LRP1: variants seen among roughly 807,000 people sequenced by gnomAD.
LRP1 encodes prolow-density lipoprotein receptor-related protein 1.
LRP1 carries 51 observed loss-of-function variants against 541.5 expected under a neutral mutation model. The observed-to-expected ratio is 0.09, with a 90% CI of 0.08 to 0.12. LRP1 has a LOEUF of 0.12. Among genes scored for constraint, LRP1 ranks in the 10% least tolerant of loss-of-function variants. The pLI, the probability that LRP1 is intolerant of heterozygous loss-of-function variation, is 1.00. For synonymous variants in LRP1, 2,219 were observed against 2,470.8 expected (o/e 0.90, Z 3.02); for missense variants, 3,878 against 6,376.2 (o/e 0.61, Z 13.34).
At chr12:57,191,250 G>T in intron 43 of LRP1, 70 bp from the exon 44 acceptor site, 2 of 1,449,078 alleles carry the variant, frequency 1.4e-6, no homozygotes, top group African/African-American at 1.4e-5. Flanking sequence ...GCCAGGCCAG[G>T]CTGTGGTCCG....
Position 57,204,106 on chromosome 12 carries a change from T to TAC in LRP1, c.10952-300_10952-299dup. 3.5e-6 allele frequency: 1 copy of TAC among 283,054 alleles called. No homozygotes were observed. The highest frequency in any genetic ancestry group is 6.6e-6 in the Non-Finnish European group (1 of 151,882). 17.5% of individuals were successfully genotyped at this position (283,054 alleles called of 1,614,324 possible). ...TGTTCCCGCGTCCCCGCTGTGGAAC[T>TAC]ACACAGCCCAGTGCTGTTCCCACGT... On this transcript the variant is annotated intron_variant, in intron 70 of 88. Transcript: ENST00000243077. This position sits in a 1 kb window ranked among gnomAD's most constrained non-coding sequence, Gnocchi z 5.3.
Position 57,173,797 on chromosome 12 carries a change from G to A in LRP1, c.3364G>A (p.Ala1122Thr). ...CKDSARCISKAWVCDGDNDCE... is the reference protein window; with the variant it reads ...CKDSARCISKTWVCDGDNDCE... ...TCCCTCAGCTCGGTGCATCAGCAAA[G>A]CGTGGGTGTGTGATGGCGACAATGA... Residue 1122 changes from alanine (A) to threonine (T), a missense_variant, in exon 22 of 89, where the codon GCG (alanine) becomes ACG (threonine). Ala to Thr is a moderately conservative substitution (Grantham distance 58). This residue lies in a region of LRP1 where 320 missense variants were observed against 547.9 expected (regional missense o/e 0.58). Coordinates refer to ENST00000243077, the MANE Select transcript of LRP1 (RefSeq NM_002332.3). The surrounding 1 kb of genome is among the most constrained non-coding windows in gnomAD (Gnocchi z 4.7). 2 of 1,614,238 alleles carry A rather than the reference G, an allele frequency of 1.2e-6. No homozygotes were observed. The highest frequency in any genetic ancestry group is 1.7e-6 in the Non-Finnish European group (2 of 1,180,042).
At position 57,156,869 on chromosome 12, in the gene LRP1, T is replaced by C; in HGVS notation, c.1510T>C (p.Cys504Arg). Residue 504 changes from cysteine to arginine, a missense_variant, in exon 10 of 89, where the codon TGC (cysteine) becomes CGC (arginine). Physicochemically the swap from Cys to Arg is radical, Grantham distance 180 (BLOSUM62 -3). Around this residue, in one of 13 missense-constraint regions of LRP1, gnomAD observed 496 missense variants for 861.0 expected, o/e 0.58. Coordinates refer to ENST00000243077, the MANE Select transcript of LRP1 (RefSeq NM_002332.3). The surrounding 1 kb of genome is among the most constrained non-coding windows in gnomAD (Gnocchi z 5.2). ...GGCCAACAGCCACAAGGCGCGGACC[T>C]GCCGCTGCCGTTCCGGCTTCAGCCT... is the stretch of plus-strand genomic sequence containing the variant. ...LLANSHKART[C>R]RCRSGFSLGS... is the part of the protein sequence containing the mutation. The C allele has an allele frequency of 6.3e-7, 1 of 1,598,750 alleles. No homozygotes were observed. The highest frequency in any genetic ancestry group is 8.5e-7 in the Non-Finnish European group (1 of 1,173,246).
At position 57,177,094 on chromosome 12, in the gene LRP1, C is replaced by T. The variant is rs1356075739; in HGVS notation, c.4045C>T (p.Leu1349=). ...GTATGGCCTGGCCACACCCGAGGGC[C>T]TGGCTGTAGACTGGATTGCAGGCAA... ...IQYGLATPEG[L]AVDWIAGNIY... Residue 1349 remains leucine (L), a synonymous_variant, in exon 25 of 89, where the codon CTG becomes TTG. Coordinates refer to ENST00000243077, the MANE Select transcript of LRP1 (RefSeq NM_002332.3). This position sits in a 1 kb window ranked among gnomAD's most constrained non-coding sequence, Gnocchi z 6.8. 6.2e-7 allele frequency: 1 copy of T among 1,614,236 alleles called. No individual in the cohort carries two copies. Among genetic ancestry groups the T allele is most frequent in the East Asian group, 2.2e-5 (1 of 44,892 alleles).
intron 1 of LRP1, among the ~76,000 whole-genome samples, chr12:57,131,059 T>C (rs1332901753): frequency 6.6e-6 from 1 of 152,170 alleles, no homozygotes; most frequent in Non-Finnish European, 1.5e-5. Context: ...GGGGATCCCT[T>C]ATCCCTAACC....
At chr12:57,138,016 G>T (rs2035209673) in intron 1 of LRP1, among the ~76,000 whole-genome samples, 1 of 152,122 alleles carries the variant, frequency 6.6e-6, no homozygotes, top group Non-Finnish European at 1.5e-5. Flanking sequence ...CAGAAGGCAG[G>T]GAAGCAGAGA....
Position 57,179,004 on chromosome 12 carries a change from A to G in LRP1, c.4721A>G (p.Asp1574Gly). ...CCCCACCTCATGAAGCTCCACAAGG[A>G]CAACACCACCTGCTATGGTAGGAGC... Reference protein sequence around the residue: ...ACPHLMKLHKDNTTCYEFKKF... With the variant: ...ACPHLMKLHKGNTTCYEFKKF... The change falls in exon 28 of 89, where the codon GAC (aspartate) becomes GGC (glycine). Residue 1574 changes from aspartate (D) to glycine (G), a missense_variant. Asp to Gly is a moderately conservative substitution (Grantham distance 94). Transcript: ENST00000243077. This position sits in a 1 kb window ranked among gnomAD's most constrained non-coding sequence, Gnocchi z 6.8. The G allele has an allele frequency of 3.7e-6, 6 of 1,614,092 alleles. No homozygotes were observed. Among genetic ancestry groups the G allele is most frequent in the East Asian group, 4.5e-5 (2 of 44,880 alleles).
Position 57,175,997 on chromosome 12 carries a change from C to G in LRP1, c.3882C>G (p.Pro1294=), listed in dbSNP as rs566821921. ...LHKGDYSVLV[P]GLRNTIALDF... Reference sequence around the variant, plus strand: ...AAGGAGACTACAGCGTCCTGGTGCCCGGCCTGCGCAACACCATCGCCCTGG... The same window carrying G: ...AAGGAGACTACAGCGTCCTGGTGCCGGGCCTGCGCAACACCATCGCCCTGG... The change falls in exon 24 of 89, where the codon CCC becomes CCG. Residue 1294 remains proline, a synonymous_variant. Coordinates refer to ENST00000243077, the MANE Select transcript of LRP1 (RefSeq NM_002332.3). The G allele has an allele frequency of 1.2e-6, 2 of 1,614,182 alleles. No homozygotes were observed. The highest frequency in any genetic ancestry group is 3.3e-5 in the Admixed American group (2 of 60,032).
rs778253289 is a variant in LRP1, at chr12:57,193,696, C to G, written c.7804+11C>G. 2 of 1,614,088 alleles carry G rather than the reference C, an allele frequency of 1.2e-6. No individual in the cohort carries two copies. Among genetic ancestry groups the G allele is most frequent in the Non-Finnish European group, 1.7e-6 (2 of 1,180,020 alleles). On this transcript the variant is annotated intron_variant, in intron 47 of 88. Coordinates refer to ENST00000243077, the MANE Select transcript of LRP1 (RefSeq NM_002332.3). ...AGATCCCTTGCAACAGTGAGTGAGG[C>G]GCACTGGCATAACCCATCTGTACCT... is the stretch of plus-strand genomic sequence containing the variant.
intron 19 of LRP1, among the ~76,000 whole-genome samples, chr12:57,168,589 C>T (rs1208553647): frequency 2.0e-5 from 3 of 152,206 alleles, no homozygotes; most frequent in South Asian, 4.1e-4. Context: ...AAGCAGCCCC[C>T]ACCCAATGCT....
intron 2 of LRP1, among the ~76,000 whole-genome samples, chr12:57,139,933 C>G (rs765208138): frequency 2.0e-5 from 3 of 152,170 alleles, no homozygotes; most frequent in Non-Finnish European, 4.4e-5. Context: ...TACAGCCACA[C>G]CATCAGTTGT....
At chr12:57,200,859 C>T (rs1011065034) in intron 64 of LRP1, 44 bp downstream of exon 64, 36 of 1,285,670 alleles carry the variant, frequency 2.8e-5, no homozygotes, top group Non-Finnish European at 3.8e-5. Context: ...CCAGCATCTT[C>T]CCTGCCCCAG....
At chr12:57,157,382 A>G (rs377581366) in intron 10 of LRP1, among the ~76,000 whole-genome samples, 174 of 152,306 alleles carry the variant, frequency 1.1e-3, no homozygotes, top group African/African-American at 4.0e-3. Context: ...AGGCCGAGGC[A>G]GGCAGATCAC....
chr12:57,212,789 G>A lies in LRP1; in HGVS notation c.*234G>A. 2.0e-6 allele frequency: 1 copy of A among 506,458 alleles called. No homozygotes were observed. The highest frequency in any genetic ancestry group is 3.5e-6 in the Non-Finnish European group (1 of 287,454). 31.4% of individuals were successfully genotyped at this position (506,458 alleles called of 1,614,324 possible). On this transcript the variant is annotated 3_prime_UTR_variant, in exon 89 of 89. Transcript: ENST00000243077. The surrounding 1 kb of genome is among the most constrained non-coding windows in gnomAD (Gnocchi z 5.0). ...CCCCATGCTGCCTTCAGGGAGACAG[G>A]CAGGGAGGGCTTGGGGCTGCACCTC...
chr12:57,145,566 A>T (rs2035388711), intron 6 of LRP1, 76 bp downstream of exon 6: 1 of 1,545,758 alleles, frequency 6.5e-7, no homozygotes, highest in Non-Finnish European at 8.8e-7. Context: ...TCTTGAACAG[A>T]GGCCGGGAGT....
intron 31 of LRP1, 69 bp from the exon 32 acceptor site, chr12:57,180,261 C>T: frequency 6.9e-6 from 11 of 1,593,900 alleles, no homozygotes; most frequent in Non-Finnish European, 9.5e-6. Context: ...CCTGTTCTCA[C>T]CATCTGCTCC....
chr12:57,143,766 T>C lies in LRP1; in HGVS notation c.416T>C (p.Phe139Ser). The C allele has an allele frequency of 6.2e-7, 1 of 1,614,122 alleles. No individual in the cohort carries two copies. Among genetic ancestry groups the C allele is most frequent in the Non-Finnish European group, 8.5e-7 (1 of 1,179,980 alleles). ...DGPTCYCNSS[F>S]QLQADGKTCK... Reference sequence around the variant, plus strand: ...CCCACCTGCTACTGCAACAGCAGCTTTCAGCTTCAGGCAGATGGCAAGACC... The same window carrying C: ...CCCACCTGCTACTGCAACAGCAGCTCTCAGCTTCAGGCAGATGGCAAGACC... The change falls in exon 4 of 89, where the codon TTT (phenylalanine) becomes TCT (serine). Residue 139 changes from phenylalanine to serine, a missense_variant. Around this residue, in one of 13 missense-constraint regions of LRP1, gnomAD observed 293 missense variants for 403.7 expected, o/e 0.73. Transcript: ENST00000243077.
At chr12:57,146,541 C>T (rs1020016772) in intron 6 of LRP1, 1 of 152,176 alleles carries the variant, frequency 6.6e-6, no homozygotes, top group African/African-American at 2.4e-5. Context: ...AAGAAAGATC[C>T]CAGGAGGTTA....
At position 57,183,443 on chromosome 12, in the gene LRP1, T is replaced by C. The variant is rs751246559; in HGVS notation, c.5727T>C (p.Asn1909=). ...EGIRGIPLDP[N]DKSDALVPVS... ...TCAGGGGAATTCCCCTGGATCCCAA[T>C]GACAAGTCAGATGCCCTGGTCCCAG... is the stretch of plus-strand genomic sequence containing the variant. Residue 1909 remains asparagine (N), a synonymous_variant, in exon 35 of 89, where the codon AAT becomes AAC. Transcript: ENST00000243077. This position sits in a 1 kb window ranked among gnomAD's most constrained non-coding sequence, Gnocchi z 6.1. The C allele has an allele frequency of 1.3e-5, 21 of 1,614,072 alleles. No homozygotes were observed. Among genetic ancestry groups the C allele is most frequent in the Middle Eastern group, 1.6e-4 (1 of 6,084 alleles).
Sources: allele counts gnomAD v4.1 joint callset (sites outside exome capture counted in the v4.1 genomes callset), GRCh38; gene constraint gnomAD v4.1.1; regional missense constraint gnomAD v4.1.1; non-coding constraint Gnocchi (gnomAD v3.1); transcripts MANE v1.5; gene names NCBI Gene and HGNC (gene_info 2026-07-23, HGNC 2026-07-21).